The following MED26 variants were observed in gnomAD, a reference collection of about 807,000 sequenced individuals.
MED26 encodes the protein mediator complex subunit 26.
A neutral mutation model predicts 43.7 loss-of-function variants in MED26; 7 were observed. The observed-to-expected ratio is 0.16, with a 90% CI of 0.09 to 0.30. MED26 has a LOEUF of 0.30. MED26 is among the 10% of genes least tolerant of loss of function. The pLI, the probability that MED26 is intolerant of heterozygous loss-of-function variation, is 1.00. For synonymous variants in MED26, 375 were observed against 371.1 expected, an observed-to-expected ratio of 1.01 and a Z score of -0.12; for missense variants, 784 against 840.6, an observed-to-expected ratio of 0.93 and a Z score of 0.83.
In MED26 at chr19:16,575,951, C is replaced by T. The variant is rs955517009; in HGVS notation, c.*76G>A. On this transcript the variant is annotated 3_prime_UTR_variant, in exon 3 of 3. Coordinates refer to ENST00000263390, the MANE Select transcript of MED26 (RefSeq NM_004831.5). ...CCCAGCGCAGGAGGCAGCTGGGCCC[C>T]GGCCACCTGCCCACCTGCCTGCCCG... 3.4e-5 allele frequency: 48 copies of T among 1,430,338 alleles called. No homozygotes were observed. The highest frequency in any genetic ancestry group is 1.6e-4 in the South Asian group (12 of 75,828). The allele number at this position is 1,430,338 out of a possible 1,614,324, so 88.6% of individuals were successfully genotyped here. A position where few individuals can be genotyped will look rare whatever the true frequency, so the allele number is the denominator to read the frequency against.
chr19:16,591,726 A>C (rs1314900795), intron 1 of MED26, among the ~76,000 whole-genome samples: 1 of 152,194 alleles, frequency 6.6e-6, no homozygotes, highest in East Asian at 1.9e-4. Context: ...GCTCTCCCCA[A>C]AACATGGTGC....
chr19:16,611,984 AT>A (rs1179029439), intron 1 of MED26: 1 of 152,014 alleles, frequency 6.6e-6, no homozygotes, highest in East Asian at 1.9e-4. Context: ...CAAGAGTAAA[AT>A]TACTGGGTCA....
chr19:16,575,052 GT>G lies in MED26; in HGVS notation c.*974del, dbSNP rs1162888344. ...TACTGTACATTCACTAAGGCTCCTT[GT>G]TTTTGCAAATCGCGTTTATGACAAA... On this transcript the variant is annotated 3_prime_UTR_variant, in exon 3 of 3. Transcript: ENST00000263390. The G allele has an allele frequency of 6.6e-6, 1 of 152,348 alleles. No individual in the cohort carries two copies. Among genetic ancestry groups the G allele is most frequent in the Non-Finnish European group, 1.5e-5 (1 of 68,024 alleles). 9.4% of individuals were successfully genotyped at this position (152,348 alleles called of 1,614,324 possible). A position where few individuals can be genotyped will look rare whatever the true frequency, so the allele number is the denominator to read the frequency against.
rs995391667 is a variant in MED26 at position 16,586,726 on chromosome 19, C to T, written c.73-8317G>A. ...TTCTGCACTCCCCCACCTCGGTGTC[C>T]GGCCAGCCTTCCTGACCACCCTGGA... is the stretch of plus-strand genomic sequence containing the variant. On this transcript the variant is annotated intron_variant, in intron 1 of 2. Transcript: ENST00000263390. This position sits in a 1 kb window ranked among gnomAD's most constrained non-coding sequence, Gnocchi z 5.1. Among the ~76,000 whole-genome samples the T allele has an allele frequency of 6.6e-6, 1 of 152,182 alleles. No homozygotes were observed. The highest frequency in any genetic ancestry group is 1.5e-5 in the Non-Finnish European group (1 of 68,036).
chr19:16,576,698 TGGA>T lies in MED26; in HGVS notation c.1129_1131del (p.Ser377del). On this transcript the variant is annotated inframe_deletion, in exon 3 of 3. Coordinates refer to ENST00000263390, the MANE Select transcript of MED26 (RefSeq NM_004831.5). This position sits in a 1 kb window ranked among gnomAD's most constrained non-coding sequence, Gnocchi z 6.8. ...GAGGAGGCAGCATCACTGTCCGCCT[TGGA>T]GGAGTCTGGGGAAAAGCCTGCCCGG... 12 of 1,613,530 alleles carry T rather than the reference TGGA, an allele frequency of 7.4e-6. No individual in the cohort carries two copies. The highest frequency in any genetic ancestry group is 1.0e-5 in the Non-Finnish European group (12 of 1,180,006).
At chr19:16,598,336 CAAAAAA>C (rs35572400) in intron 1 of MED26, among the ~76,000 whole-genome samples, 50 of 63,416 alleles carry the variant, frequency 7.9e-4, no homozygotes, top group South Asian at 6.3e-3. Flanking sequence ...GATTCCATCT[CAAAAAA>C]AAAAAAAAAA....
chr19:16,604,325 G>A (rs140172838), intron 1 of MED26, among the ~76,000 whole-genome samples: 41 of 152,328 alleles, frequency 2.7e-4, no homozygotes, highest in Middle Eastern at 3.4e-3. Context: ...TAGTGACATG[G>A]GTCCTCTCCA....
chr19:16,577,199 G>C lies in MED26; in HGVS notation c.631C>G (p.Arg211Gly). The C allele has an allele frequency of 1.2e-6, 2 of 1,613,232 alleles. No individual in the cohort carries two copies. The highest frequency in any genetic ancestry group is 1.1e-5 in the South Asian group (1 of 91,088). The change falls in exon 3 of 3, where the codon CGT (arginine) becomes GGT (glycine). Residue 211 changes from arginine to glycine, a missense_variant. Physicochemically the swap from Arg to Gly is moderately radical, Grantham distance 125 (BLOSUM62 -2). Transcript: ENST00000263390. The surrounding 1 kb of genome is among the most constrained non-coding windows in gnomAD (Gnocchi z 8.1). ...CCACTGTGCTTGTCATTCTCGTCAC[G>C]CTCCAGGCGGCTGCCCTCTGGGCCT... ...HAGPEGSRLE[R>G]DENDKHSGKI...
intron 1 of MED26, among the ~76,000 whole-genome samples, chr19:16,619,835 AG>A (rs1176478849): frequency 1.3e-5 from 2 of 152,210 alleles, no homozygotes; most frequent in Non-Finnish European, 2.9e-5. Context: ...ACCCACCACC[AG>A]GGTGTGGCCT....
rs748339086 is a variant in MED26, at chr19:16,576,080, G to C, written c.1750C>G (p.Pro584Ala). ...YDWTQCISLD[P>A]HGDDGRLNIL... ...TTCAAGCGCCCGTCGTCGCCGTGCG[G>C]ATCGAGCGATATGCACTGCGTCCAG... is the stretch of plus-strand genomic sequence containing the variant. Residue 584 changes from proline to alanine, a missense_variant, in exon 3 of 3, where the codon CCG (proline) becomes GCG (alanine). By Grantham distance (27) the Pro-to-Ala change is conservative. Transcript: ENST00000263390. This position sits in a 1 kb window ranked among gnomAD's most constrained non-coding sequence, Gnocchi z 6.8. The C allele has an allele frequency of 6.2e-7, 1 of 1,613,894 alleles. No individual in the cohort carries two copies. Among genetic ancestry groups the C allele is most frequent in the Non-Finnish European group, 8.5e-7 (1 of 1,180,024 alleles).
intron 1 of MED26, among the ~76,000 whole-genome samples, chr19:16,617,347 G>C (rs1309856646): frequency 2.6e-5 from 4 of 152,124 alleles, no homozygotes; most frequent in Admixed American, 6.5e-5. Flanking sequence ...AAAAGGTCCT[G>C]CTCCTTCGGA....
At chr19:16,612,917 C>T (rs1170001816) in intron 1 of MED26, among the ~76,000 whole-genome samples, 1 of 152,126 alleles carries the variant, frequency 6.6e-6, no homozygotes, top group Non-Finnish European at 1.5e-5. Context: ...GGAAAGACTA[C>T]CCTTGAAAAA....
chr19:16,598,336 CAAAAAAAAAAAA>C (rs35572400), intron 1 of MED26, among the ~76,000 whole-genome samples: 1 of 63,418 alleles, frequency 1.6e-5, no homozygotes, highest in South Asian at 7.0e-4. Context: ...GATTCCATCT[CAAAAAAAAAAAA>C]AAAAAAAAAA....
intron 1 of MED26, among the ~76,000 whole-genome samples, chr19:16,622,003 G>T (rs1346723750): frequency 1.3e-5 from 2 of 152,260 alleles, no homozygotes; most frequent in African/African-American, 4.8e-5. Context: ...TCCCACAGCA[G>T]AGAGGGAAAA....
In MED26 at chr19:16,597,934, A is replaced by G. The variant is rs529034344; in HGVS notation, c.73-19525T>C. On this transcript the variant is annotated intron_variant, in intron 1 of 2. Transcript: ENST00000263390. ...GAGACAGGGTTTCATCATGTTGGCC[A>G]GGCTGGCCTTGAACTCCTGACCTCA... Among the ~76,000 whole-genome samples the G allele has an allele frequency of 2.6e-5, 4 of 151,280 alleles. No individual in the cohort carries two copies. In the South Asian group the frequency reaches 8.6e-4, roughly 32 times the overall value.
chr19:16,579,642 G>C (rs1396041121), intron 1 of MED26, among the ~76,000 whole-genome samples: 4 of 152,148 alleles, frequency 2.6e-5, no homozygotes, highest in Non-Finnish European at 5.9e-5. Flanking sequence ...TGGTGGGCTG[G>C]CTAGCGGGTG....
At chr19:16,610,957 A>C (rs1432755198) in intron 1 of MED26, 1 of 152,278 alleles carries the variant, frequency 6.6e-6, no homozygotes, top group Non-Finnish European at 1.5e-5. Flanking sequence ...GAGAAAGGAA[A>C]GAAGGGCCCA....
intron 1 of MED26, among the ~76,000 whole-genome samples, chr19:16,627,297 G>A (rs1016884844): frequency 6.6e-6 from 1 of 152,148 alleles, no homozygotes; most frequent in Non-Finnish European, 1.5e-5. Flanking sequence ...GTCACAGAAG[G>A]GAGACAGACT....
At chr19:16,605,999 T>A (rs1237879712) in intron 1 of MED26, among the ~76,000 whole-genome samples, 1 of 152,248 alleles carries the variant, frequency 6.6e-6, no homozygotes, top group Non-Finnish European at 1.5e-5. Context: ...TTTCCCCTTC[T>A]TCCTTCACTC....
Sources: allele counts gnomAD v4.1 joint callset (sites outside exome capture counted in the v4.1 genomes callset), GRCh38; gene constraint gnomAD v4.1.1; non-coding constraint Gnocchi (gnomAD v3.1); transcripts MANE v1.5; gene names NCBI Gene and HGNC (gene_info 2026-07-23, HGNC 2026-07-21).